Variants in NTM observed in about 807,000 individuals in gnomAD.
The protein encoded by NTM is neurotrimin.
A neutral mutation model predicts 42.1 loss-of-function variants in NTM; 13 were observed. The observed-to-expected ratio is 0.31, with a 90% CI of 0.20 to 0.49. The LOEUF (loss-of-function observed/expected upper bound fraction) is 0.49, where lower values mean the gene tolerates loss of function less well. NTM is among the 20% of genes least tolerant of loss of function. The probability of loss-of-function intolerance (pLI) is 0.99; values close to 1 mark genes in which losing one functional copy is unlikely to be tolerated. For missense variants in NTM, 373 were observed against 452.8 expected (o/e 0.82, Z 1.60); for synonymous variants, 187 against 179.2 (o/e 1.04, Z -0.35).
chr11:132,048,818 C>CTTTT (rs10563617), intron 2 of NTM, among the ~76,000 whole-genome samples: 2 of 132,998 alleles, frequency 1.5e-5, no homozygotes, highest in East Asian at 2.3e-4. Context: ...TTTCTTTTTT[C>CTTTT]TTTTTTTTTT....
chr11:132,246,386 G>A (rs1009600701), intron 4 of NTM, among the ~76,000 whole-genome samples: 5 of 152,230 alleles, frequency 3.3e-5, no homozygotes, highest in African/African-American at 9.6e-5. Flanking sequence ...CAGTGAAACA[G>A]CAATGGTGAT....
chr11:131,736,462 T>C (rs1249438756), intron 1 of NTM, among the ~76,000 whole-genome samples: 3 of 152,246 alleles, frequency 2.0e-5, no homozygotes, highest in African/African-American at 4.8e-5. Flanking sequence ...TCCAAACTCT[T>C]CTCCACTTAC....
At chr11:131,782,869 A>G (rs1022030811) in intron 1 of NTM, among the ~76,000 whole-genome samples, 2 of 152,150 alleles carry the variant, frequency 1.3e-5, no homozygotes, top group Admixed American at 6.5e-5. Context: ...ACCTATAGCT[A>G]TTATCATACT....
At chr11:131,848,742 T>C (rs1241237195) in intron 1 of NTM, among the ~76,000 whole-genome samples, 3 of 152,234 alleles carry the variant, frequency 2.0e-5, no homozygotes, top group Non-Finnish European at 2.9e-5. Flanking sequence ...AGATGTCAGA[T>C]TGGCCCCAAA....
chr11:132,031,260 C>G (rs1440012708), intron 2 of NTM, among the ~76,000 whole-genome samples: 2 of 152,070 alleles, frequency 1.3e-5, no homozygotes, highest in East Asian at 1.9e-4. Flanking sequence ...AACTTTTACT[C>G]TTTTTGTAAA....
chr11:132,267,565 C>A (rs947901274), intron 4 of NTM, among the ~76,000 whole-genome samples: 1 of 151,006 alleles, frequency 6.6e-6, no homozygotes, highest in African/African-American at 2.4e-5. Context: ...CCTGTAATCC[C>A]AACACTTTGG....
Position 131,664,837 on chromosome 11 carries a change from G to T in NTM, c.83-246727G>T, listed in dbSNP as rs114517718. On this transcript the variant is annotated intron_variant, in intron 1 of 8. Transcript: ENST00000683400. ...TAAAAGCCACTCTTTTACATCTGTT[G>T]CCATCCTTTAATGACAGACAGAATA... Among the ~76,000 whole-genome samples, 648 of 141,106 alleles carry T rather than the reference G, an allele frequency of 4.6e-3. 8 individuals are homozygous for T. Among genetic ancestry groups the T allele is most frequent in the African/African-American group, 0.016 (597 of 37,372 alleles). The allele number at this position is 141,106 out of a possible 152,430, so 92.6% of individuals were successfully genotyped here.
chr11:131,763,638 T>C (rs1371439394), intron 1 of NTM, among the ~76,000 whole-genome samples: 3 of 146,138 alleles, frequency 2.1e-5, no homozygotes, highest in Non-Finnish European at 4.5e-5. Context: ...CTCTGGGTAC[T>C]ACAAACCCCA....
In NTM at chr11:131,762,667, A is replaced by G. The variant is rs533082484; in HGVS notation, c.83-148897A>G. On this transcript the variant is annotated intron_variant, in intron 1 of 8. Coordinates refer to ENST00000683400, the MANE Select transcript of NTM (RefSeq NM_001352005.2). Reference sequence around the variant, plus strand: ...TTTCCAATCACCAGGTTTGCCTGTCAAGTTGAGCCAAGTAACAAGACAGGA... The same window carrying G: ...TTTCCAATCACCAGGTTTGCCTGTCGAGTTGAGCCAAGTAACAAGACAGGA... Among the ~76,000 whole-genome samples, 79 of 152,334 alleles carry G rather than the reference A, an allele frequency of 5.2e-4. 1 individual carries two copies. The South Asian group carries it at 0.014, about 26-fold the overall frequency.
intron 1 of NTM, among the ~76,000 whole-genome samples, chr11:131,549,270 G>T (rs1336943337): frequency 6.6e-6 from 1 of 152,146 alleles, no homozygotes; most frequent in Non-Finnish European, 1.5e-5. Context: ...GTTTATCTGA[G>T]ATGGTACCTG....
chr11:132,131,837 C>T (rs969983566), intron 2 of NTM, among the ~76,000 whole-genome samples: 4 of 152,096 alleles, frequency 2.6e-5, no homozygotes, highest in Non-Finnish European at 4.4e-5. Flanking sequence ...AGAGGCCCCC[C>T]GCTCCCACTG....
intron 4 of NTM, among the ~76,000 whole-genome samples, chr11:132,217,473 C>T (rs1592287922): frequency 6.6e-6 from 1 of 151,264 alleles, no homozygotes; most frequent in Non-Finnish European, 1.5e-5. Flanking sequence ...CTCTCTGCCT[C>T]CTGATATATG....
At chr11:131,850,517 G>T (rs116414401) in intron 1 of NTM, among the ~76,000 whole-genome samples, 95 of 152,212 alleles carry the variant, frequency 6.2e-4, no homozygotes, top group African/African-American at 1.7e-3. Flanking sequence ...ACTGGGGGTC[G>T]ATTTCCTTTC....
intron 1 of NTM, among the ~76,000 whole-genome samples, chr11:131,819,677 C>G (rs912494602): frequency 6.6e-6 from 1 of 152,176 alleles, no homozygotes; most frequent in African/African-American, 2.4e-5. Flanking sequence ...GCAGCTTGTC[C>G]CCATTTCCAA....
chr11:131,694,450 G>A (rs535045673), intron 1 of NTM, among the ~76,000 whole-genome samples: 1 of 152,222 alleles, frequency 6.6e-6, no homozygotes, highest in Non-Finnish European at 1.5e-5. Flanking sequence ...GGAAAGGCCT[G>A]TGACAGAGTG....
intron 1 of NTM, among the ~76,000 whole-genome samples, chr11:131,786,414 G>T (rs2089228811): frequency 6.6e-6 from 1 of 152,220 alleles, no homozygotes; most frequent in African/African-American, 2.4e-5. Flanking sequence ...TTGCAGTTTG[G>T]GTAAGAGTAA....
At chr11:132,012,131 C>G (rs1049756213) in intron 2 of NTM, among the ~76,000 whole-genome samples, 8 of 152,032 alleles carry the variant, frequency 5.3e-5, no homozygotes, top group African/African-American at 1.9e-4. Context: ...GCGTAGTCAC[C>G]TTGTAAACCT....
chr11:131,898,494 C>T (rs2052642881), intron 1 of NTM, among the ~76,000 whole-genome samples: 1 of 152,210 alleles, frequency 6.6e-6, no homozygotes, highest in Non-Finnish European at 1.5e-5. Flanking sequence ...TGTACATTCC[C>T]TTTGTAGTAT....
chr11:131,469,558 C>G (rs1038663280), intron 1 of NTM, among the ~76,000 whole-genome samples: 1 of 152,180 alleles, frequency 6.6e-6, no homozygotes, highest in Non-Finnish European at 1.5e-5. Flanking sequence ...TCCCTGACAG[C>G]TGAGTTGCCT....
Sources: gnomAD v4.1 joint callset for allele counts (sites outside exome capture counted in the v4.1 genomes callset) on GRCh38, gnomAD v4.1.1 for gene constraint, MANE v1.5 for transcripts, NCBI Gene and HGNC (gene_info 2026-07-23, HGNC 2026-07-21) for gene names.